Variants in CADPS2 observed in about 807,000 individuals in gnomAD.
CADPS2 encodes calcium-dependent secretion activator 2.
A neutral mutation model predicts 172.5 loss-of-function variants in CADPS2; 93 were observed. That is an observed-to-expected ratio of 0.54 (90% CI 0.46 to 0.64). The LOEUF is 0.64. Among genes scored for constraint, CADPS2 ranks in the 30% least tolerant of loss-of-function variants. The pLI, the probability that CADPS2 is intolerant of heterozygous loss-of-function variation, is 0.00. For missense variants in CADPS2, 1,420 were observed against 1,565.9 expected (o/e 0.91, Z 1.57); for synonymous variants, 546 against 555.2 (o/e 0.98, Z 0.23).
intron 1 of CADPS2, among the ~76,000 whole-genome samples, chr7:122,822,886 C>A (rs1380882211): frequency 6.6e-6 from 1 of 151,960 alleles, no homozygotes; most frequent in Non-Finnish European, 1.5e-5. Context: ...CCACCCCTAT[C>A]TCCCTTCGCT....
intron 3 of CADPS2, among the ~76,000 whole-genome samples, chr7:122,645,681 A>ATATATATC (rs796988558): frequency 0.041 from 4,774 of 116,604 alleles, 135 homozygotes; most frequent in Non-Finnish European, 0.054. Context: ...ATATATATAT[A>ATATATATC]TCTTGGGATT....
chr7:122,668,617 T>C (rs964113034), intron 2 of CADPS2, among the ~76,000 whole-genome samples: 20 of 151,932 alleles, frequency 1.3e-4, no homozygotes, highest in South Asian at 2.1e-4. Context: ...ATAAGAGAGA[T>C]AGAGACAGTC....
In CADPS2 at chr7:122,407,661, A is replaced by G. The variant is rs757980077; in HGVS notation, c.2625T>C (p.His875=). 1.2e-6 allele frequency: 2 copies of G among 1,611,718 alleles called. No homozygotes were observed. The highest frequency in any genetic ancestry group is 2.2e-5 in the East Asian group (1 of 44,864). Residue 875 remains histidine (H), a synonymous_variant, in exon 20 of 30, where the codon CAT becomes CAC. Coordinates refer to ENST00000449022, the MANE Select transcript of CADPS2 (RefSeq NM_017954.11). The part of the protein sequence containing the change: ...FAWWPDLLAE[H]AEKFWALFTV... ...TAAATAAAGCCCAAAATTTCTCTGC[A>G]TGTTCAGCCAATAAATCAGGCCACC...
chr7:122,700,206 T>C (rs185385885), intron 2 of CADPS2, among the ~76,000 whole-genome samples: 2 of 152,264 alleles, frequency 1.3e-5, no homozygotes, highest in East Asian at 1.9e-4. Context: ...ACCTTGAACA[T>C]GAATGTCTCT....
intron 2 of CADPS2, among the ~76,000 whole-genome samples, chr7:122,730,595 T>C (rs1410824812): frequency 6.6e-6 from 1 of 151,646 alleles, no homozygotes; most frequent in Non-Finnish European, 1.5e-5. Context: ...TAAAACCATG[T>C]TTATATTGAG....
chr7:122,544,581 A>G (rs1040768455), intron 8 of CADPS2, among the ~76,000 whole-genome samples: 1 of 152,166 alleles, frequency 6.6e-6, no homozygotes, highest in African/African-American at 2.4e-5. Flanking sequence ...GGACTCATTC[A>G]TATGCCTGAA....
chr7:122,736,227 A>ATTGTATCTCCACATTTTCCC (rs2092138554), intron 2 of CADPS2, among the ~76,000 whole-genome samples: 1 of 152,138 alleles, frequency 6.6e-6, no homozygotes, highest in Non-Finnish European at 1.5e-5. Flanking sequence ...GTTCAGACCC[A>ATTGTATCTCCACATTTTCCC]TTGTATCTCC....
intron 22 of CADPS2, 120 bp downstream of exon 22, chr7:122,393,076 A>C (rs1037369271): frequency 3.3e-6 from 4 of 1,195,164 alleles, no homozygotes; most frequent in African/African-American, 3.1e-5. Context: ...AAAAAAAAAA[A>C]AACAGTATTC....
chr7:122,579,369 T>G (rs1173570286), intron 7 of CADPS2, among the ~76,000 whole-genome samples: 1 of 151,026 alleles, frequency 6.6e-6, no homozygotes. Flanking sequence ...TGGGAAACCC[T>G]GTAATAGATA....
intron 1 of CADPS2, among the ~76,000 whole-genome samples, chr7:122,769,155 C>T (rs761181746): frequency 2.8e-4 from 42 of 152,306 alleles, no homozygotes; most frequent in Middle Eastern, 3.4e-3. Flanking sequence ...GCCCTCAAGA[C>T]AATTCAGCCT....
chr7:122,738,034 G>A (rs1008218052), intron 1 of CADPS2, among the ~76,000 whole-genome samples: 1 of 152,148 alleles, frequency 6.6e-6, no homozygotes, highest in Non-Finnish European at 1.5e-5. Flanking sequence ...CAGGTAGGCA[G>A]TGAATGCGTC....
At chr7:122,797,936 G>C (rs963448607) in intron 1 of CADPS2, among the ~76,000 whole-genome samples, 15 of 151,610 alleles carry the variant, frequency 9.9e-5, no homozygotes, top group Non-Finnish European at 1.6e-4. Flanking sequence ...CTAATTCATA[G>C]AGATTTGCAT....
intron 4 of CADPS2, among the ~76,000 whole-genome samples, chr7:122,628,342 T>G (rs575396205): frequency 6.6e-6 from 1 of 152,184 alleles, no homozygotes; most frequent in African/African-American, 2.4e-5. Flanking sequence ...AAGAGTTCAT[T>G]ATCTTGATCT....
At chr7:122,757,011 C>G (rs931770882) in intron 1 of CADPS2, among the ~76,000 whole-genome samples, 1 of 152,140 alleles carries the variant, frequency 6.6e-6, no homozygotes, top group Non-Finnish European at 1.5e-5. Context: ...ACTCCACGGA[C>G]ACCTTTGACA....
intron 1 of CADPS2, among the ~76,000 whole-genome samples, chr7:122,794,282 G>A (rs528895845): frequency 1.3e-4 from 20 of 151,878 alleles, no homozygotes; most frequent in African/African-American, 2.7e-4. Flanking sequence ...CATATTTCTC[G>A]GAGGTTTTGT....
intron 2 of CADPS2, among the ~76,000 whole-genome samples, chr7:122,680,243 T>C (rs2082880131): frequency 6.6e-6 from 1 of 152,228 alleles, no homozygotes. Context: ...CTATCAAATG[T>C]GAAGAATCAC....
At chr7:122,606,692 T>A (rs563928845) in intron 6 of CADPS2, among the ~76,000 whole-genome samples, 1 of 152,108 alleles carries the variant, frequency 6.6e-6, no homozygotes, top group South Asian at 2.1e-4. Flanking sequence ...AAAAGTAGTA[T>A]GATTAGAGTA....
chr7:122,568,895 C>G (rs1481779123), intron 7 of CADPS2, among the ~76,000 whole-genome samples: 1 of 152,046 alleles, frequency 6.6e-6, no homozygotes, highest in African/African-American at 2.4e-5. Context: ...ATAACGAGAG[C>G]TATCTATGAC....
At chr7:122,572,925 G>A (rs1045350748) in intron 7 of CADPS2, among the ~76,000 whole-genome samples, 9 of 152,014 alleles carry the variant, frequency 5.9e-5, no homozygotes, top group African/African-American at 1.7e-4. Context: ...CTCTATTTCC[G>A]TAAATAGGTA....
Sources: gnomAD v4.1 joint callset for allele counts (sites outside exome capture counted in the v4.1 genomes callset) on GRCh38, gnomAD v4.1.1 for gene constraint, MANE v1.5 for transcripts, NCBI Gene and HGNC (gene_info 2026-07-23, HGNC 2026-07-21) for gene names.